Variants in ADGRF1 observed in about 807,000 individuals in gnomAD.
ADGRF1 encodes the protein adhesion G protein-coupled receptor F1, also known as G protein-coupled receptor 110.
Under a neutral mutation model 87.2 loss-of-function variants are expected in ADGRF1, and 85 were observed. That is an observed-to-expected ratio of 0.97 (90% CI 0.82 to 1.17). The LOEUF is 1.17. Ranked by LOEUF, ADGRF1 falls within the 50% of genes most tolerant of loss-of-function variation. The probability of loss-of-function intolerance (pLI) is 0.00; values close to 1 mark genes in which losing one functional copy is unlikely to be tolerated. For synonymous variants in ADGRF1, 430 were observed against 408.8 expected (o/e 1.05, Z -0.63); for missense variants, 1,169 against 1,077.2 (o/e 1.09, Z -1.19).
chr6:47,033,407 C>G (rs1400082187), intron 1 of ADGRF1, among the ~76,000 whole-genome samples: 2 of 152,238 alleles, frequency 1.3e-5, no homozygotes, highest in African/African-American at 2.4e-5. Flanking sequence ...ACAGCTGTCT[C>G]CTTATCAACA....
At chr6:47,039,851 A>T (rs1780687314) in intron 1 of ADGRF1, among the ~76,000 whole-genome samples, 1 of 152,084 alleles carries the variant, frequency 6.6e-6, no homozygotes, top group African/African-American at 2.4e-5. Context: ...AATCCCAGCT[A>T]CTCAGGAGGC....
At chr6:47,015,643 A>G (rs1394242563) in intron 8 of ADGRF1, among the ~76,000 whole-genome samples, 2 of 151,964 alleles carry the variant, frequency 1.3e-5, no homozygotes, top group African/African-American at 2.4e-5. Flanking sequence ...GCTGGAGTTA[A>G]GTGGAGTGAT....
intron 6 of ADGRF1, among the ~76,000 whole-genome samples, chr6:47,021,731 TGA>T (rs1780059333): frequency 1.3e-5 from 2 of 152,264 alleles, no homozygotes; most frequent in East Asian, 3.9e-4. Context: ...CTAAAATAAG[TGA>T]GCAAAACTGA....
intron 7 of ADGRF1, chr6:47,020,435 G>A: frequency 1.9e-6 from 2 of 1,070,346 alleles, no homozygotes; most frequent in Admixed American, 2.5e-5. Flanking sequence ...GGCAGAGGTT[G>A]CAGGGTTGCA....
At chr6:47,028,017 G>C (rs921006109) in intron 2 of ADGRF1, among the ~76,000 whole-genome samples, 2 of 152,166 alleles carry the variant, frequency 1.3e-5, no homozygotes, top group African/African-American at 4.8e-5. Flanking sequence ...AGGCACAGGA[G>C]GTGGGGTCAG....
chr6:47,031,332 T>C (rs1179623966), intron 1 of ADGRF1, among the ~76,000 whole-genome samples: 17 of 115,430 alleles, frequency 1.5e-4, no homozygotes, highest in East Asian at 1.2e-3. Context: ...CTCTCTCTCT[T>C]CTCTCTCTCT....
In ADGRF1 at chr6:47,001,557, G is replaced by C. The variant is rs1309705392; in HGVS notation, c.2603C>G (p.Ser868Ter). The change falls in exon 14 of 15, where the codon TCA (serine) becomes TGA (stop). Residue 868 changes from serine (S) to a stop codon, truncating the protein, a stop_gained. Coordinates refer to ENST00000371253, the MANE Select transcript of ADGRF1 (RefSeq NM_153840.4). LOFTEE classifies it high-confidence loss of function. ...GAATTTGGGTTTGGCAGATAAATCT[G>C]ATGAGTTTTGCTGCACAAAATAAAA... ...SWKQTEKQNS[S>*]DLSAKPKFSK... is the part of the protein sequence containing the mutation. 1.2e-6 allele frequency: 2 copies of C among 1,613,588 alleles called. No homozygotes were observed. The highest frequency in any genetic ancestry group is 1.7e-6 in the Non-Finnish European group (2 of 1,179,694).
At chr6:47,010,450 C>A in intron 10 of ADGRF1, 132 bp from the exon 11 acceptor site, 1 of 773,396 alleles carries the variant, frequency 1.3e-6, no homozygotes, top group Non-Finnish European at 2.0e-6. Flanking sequence ...CACATTAAAA[C>A]TCATCAATCA....
chr6:47,005,810 T>C lies in ADGRF1; in HGVS notation c.2592+7A>G, dbSNP rs1419730848. 1.2e-6 allele frequency: 2 copies of C among 1,606,090 alleles called. No homozygotes were observed. The highest frequency in any genetic ancestry group is 8.5e-7 in the Non-Finnish European group (1 of 1,174,202). ...GTATTGGATTCATGGCAGTAGGAGA[T>C]AATTACCTTTTCTGTTTGCTTCCAA... On this transcript the variant is annotated splice_region_variant and intron_variant, in intron 13 of 14. Transcript: ENST00000371253.
At position 47,000,127 on chromosome 6, in the gene ADGRF1, C is replaced by G; in HGVS notation, c.*95G>C. Reference sequence around the variant, plus strand: ...ATTCCCAGACCCCTAAATCAGAAAACCCGATCGAATACTGAGCATAATTTC... The same window carrying G: ...ATTCCCAGACCCCTAAATCAGAAAAGCCGATCGAATACTGAGCATAATTTC... On this transcript the variant is annotated 3_prime_UTR_variant, in exon 15 of 15. Transcript: ENST00000371253. 1.1e-6 allele frequency: 1 copy of G among 910,410 alleles called. No homozygotes were observed. The highest frequency in any genetic ancestry group is 1.8e-6 in the Non-Finnish European group (1 of 568,812). The allele number at this position is 910,410 out of a possible 1,614,324, so 56.4% of individuals were successfully genotyped here. A position where few individuals can be genotyped will look rare whatever the true frequency, so the allele number is the denominator to read the frequency against.
intron 1 of ADGRF1, among the ~76,000 whole-genome samples, chr6:47,036,195 A>G (rs1338085441): frequency 6.6e-6 from 1 of 152,160 alleles, no homozygotes; most frequent in Non-Finnish European, 1.5e-5. Context: ...GCGCCACTGC[A>G]CTCCAGCCTG....
chr6:47,000,355 C>A (rs749413627), intron 14 of ADGRF1, 60 bp from the exon 15 acceptor site: 24 of 1,272,010 alleles, frequency 1.9e-5, no homozygotes, highest in South Asian at 2.6e-5. Context: ...AGCATGAGAC[C>A]AAAATGAAAA....
intron 7 of ADGRF1, chr6:47,019,177 T>C (rs1018526531): frequency 7.7e-5 from 45 of 584,274 alleles, no homozygotes; most frequent in Non-Finnish European, 8.8e-5. Context: ...GCTTATAAGA[T>C]ATGCATGATA....
intron 10 of ADGRF1, 117 bp downstream of exon 10, chr6:47,011,890 A>G (rs1385222864): frequency 2.3e-6 from 2 of 882,540 alleles, no homozygotes; most frequent in Admixed American, 5.4e-5. Flanking sequence ...AAGTTCACAT[A>G]AAGACGCATA....
chr6:47,000,231 T>C lies in ADGRF1; in HGVS notation c.2724A>G (p.Ser908=). 1 of 1,609,000 alleles carries C rather than the reference T, an allele frequency of 6.2e-7. No individual in the cohort carries two copies. The highest frequency in any genetic ancestry group is 1.1e-5 in the South Asian group (1 of 90,340). The change falls in exon 15 of 15, where the codon TCA becomes TCG. Residue 908 remains serine, a synonymous_variant. Transcript: ENST00000371253. ...SDNIMLTQFV[S]NE is the part of the protein sequence containing the mutation. ...TTTATGATTCCTTGCCTTATTCATT[T>C]GAGACAAACTGAGTTAGCATGATGT... is the stretch of plus-strand genomic sequence containing the variant.
chr6:47,001,368 G>A (rs1216830597), intron 14 of ADGRF1, 133 bp downstream of exon 14: 2 of 711,746 alleles, frequency 2.8e-6, no homozygotes, highest in African/African-American at 1.8e-5. Flanking sequence ...GATGAACTCT[G>A]AAAACATGGC....
At chr6:47,040,337 T>A (rs1450268801) in intron 1 of ADGRF1, among the ~76,000 whole-genome samples, 2 of 152,012 alleles carry the variant, frequency 1.3e-5, no homozygotes, top group East Asian at 3.9e-4. Flanking sequence ...CCAGGCATGG[T>A]GGTGGATGCC....
At chr6:47,008,598 C>G (rs575310831) in intron 11 of ADGRF1, among the ~76,000 whole-genome samples, 1 of 152,322 alleles carries the variant, frequency 6.6e-6, no homozygotes, top group South Asian at 2.1e-4. Flanking sequence ...CATTCAGAGT[C>G]AACAAGTACT....
intron 7 of ADGRF1, 108 bp downstream of exon 7, chr6:47,020,623 G>C: frequency 6.4e-7 from 1 of 1,563,578 alleles, no homozygotes; most frequent in Non-Finnish European, 8.7e-7. Context: ...CTATAAAGAT[G>C]ACTTCTGTCC....
Sources: gnomAD v4.1 joint callset for allele counts (sites outside exome capture counted in the v4.1 genomes callset) on GRCh38, gnomAD v4.1.1 for gene constraint, MANE v1.5 for transcripts, NCBI Gene and HGNC (gene_info 2026-07-23, HGNC 2026-07-21) for gene names.